The following ZFR variants were observed in gnomAD, a reference collection of about 807,000 sequenced individuals.
ZFR encodes zinc finger RNA-binding protein.
A neutral mutation model predicts 130.7 loss-of-function variants in ZFR; 19 were observed. That is an observed-to-expected ratio of 0.15 (90% CI 0.10 to 0.21). The LOEUF is 0.21. Ranked by LOEUF, ZFR falls within the 10% of genes least tolerant of loss-of-function variation. ZFR has a pLI of 1.00. For synonymous variants in ZFR, 466 were observed against 456.9 expected (o/e 1.02, Z -0.25); for missense variants, 872 against 1,321.5 (o/e 0.66, Z 5.27).
chr5:32,444,589 G>A (rs991652476), intron 1 of ZFR, 33 bp downstream of exon 1: 14 of 1,473,096 alleles, frequency 9.5e-6, no homozygotes, highest in Non-Finnish European at 1.2e-5. Context: ...GGAGGGGGCC[G>A]GGCAGAGGCC....
intron 18 of ZFR, 32 bp downstream of exon 18, chr5:32,364,131 AT>A: frequency 6.3e-7 from 1 of 1,598,600 alleles, no homozygotes; most frequent in Non-Finnish European, 8.6e-7. Flanking sequence ...AGTAAACTTC[AT>A]TTTACTTCAT....
At chr5:32,424,532 C>CAAA (rs575935210) in intron 2 of ZFR, among the ~76,000 whole-genome samples, 1 of 62,628 alleles carries the variant, frequency 1.6e-5, no homozygotes, top group African/African-American at 5.3e-5. Flanking sequence ...GACTCCGTCT[C>CAAA]AAAAAAAAAA....
intron 4 of ZFR, among the ~76,000 whole-genome samples, chr5:32,417,119 TC>T (rs200476262): frequency 4.5e-4 from 49 of 108,536 alleles, no homozygotes; most frequent in East Asian, 1.4e-3. Flanking sequence ...CAAGTCTCTC[TC>T]TAAAAAAAAA....
intron 2 of ZFR, among the ~76,000 whole-genome samples, chr5:32,422,972 TCAA>T (rs1187180640): frequency 1.3e-5 from 2 of 151,816 alleles, no homozygotes; most frequent in Non-Finnish European, 2.9e-5. Flanking sequence ...TACCTACTTA[TCAA>T]CAACAACAAA....
At chr5:32,414,463 T>C (rs932728471) in intron 5 of ZFR, among the ~76,000 whole-genome samples, 6 of 152,160 alleles carry the variant, frequency 3.9e-5, no homozygotes, top group African/African-American at 1.4e-4. Context: ...TTAAGGAAAA[T>C]AAAGGTACTC....
intron 15 of ZFR, among the ~76,000 whole-genome samples, chr5:32,381,669 T>TA (rs1196876113): frequency 6.6e-6 from 1 of 152,252 alleles, no homozygotes; most frequent in African/African-American, 2.4e-5. Context: ...AGATGACATA[T>TA]AAAAAACATA....
chr5:32,422,631 T>C (rs1164835292), intron 2 of ZFR, among the ~76,000 whole-genome samples: 6 of 151,702 alleles, frequency 4.0e-5, no homozygotes, highest in South Asian at 2.1e-4. Flanking sequence ...ACCACATCTC[T>C]ACAGAAAATT....
At chr5:32,442,038 T>A (rs921297065) in intron 2 of ZFR, among the ~76,000 whole-genome samples, 1 of 152,178 alleles carries the variant, frequency 6.6e-6, no homozygotes, top group Admixed American at 6.5e-5. Context: ...TATCAAAAAA[T>A]TATTAATTAT....
intron 10 of ZFR, 36 bp downstream of exon 10, chr5:32,397,183 T>G: frequency 6.4e-7 from 1 of 1,562,154 alleles, no homozygotes; most frequent in Non-Finnish European, 8.6e-7. Context: ...TTTTGTTTTT[T>G]GTTTTAAAGA....
chr5:32,405,934 G>A (rs1753571305), intron 6 of ZFR, among the ~76,000 whole-genome samples: 1 of 152,148 alleles, frequency 6.6e-6, no homozygotes, highest in African/African-American at 2.4e-5. Context: ...AACTAATCCA[G>A]TAAAGTAAAC....
At chr5:32,418,697 T>C (rs1753887537) in intron 3 of ZFR, among the ~76,000 whole-genome samples, 1 of 152,228 alleles carries the variant, frequency 6.6e-6, no homozygotes, top group Non-Finnish European at 1.5e-5. Flanking sequence ...CTGCCTAAAA[T>C]TAATAGCAAA....
At chr5:32,438,303 G>A (rs373087907) in intron 2 of ZFR, among the ~76,000 whole-genome samples, 6 of 119,218 alleles carry the variant, frequency 5.0e-5, no homozygotes, top group African/African-American at 1.7e-4. Flanking sequence ...CACTCTTGTC[G>A]CCCAGGCTGG....
chr5:32,380,527 T>C lies in ZFR; in HGVS notation c.2642-355A>G, dbSNP rs532025382. On this transcript the variant is annotated intron_variant, in intron 15 of 19. Transcript: ENST00000265069. ...ATGTACAATAAACTACTGAGTTTGT[T>C]CAGTACTCTAAATGGTCGTAAGTTA... The C allele has an allele frequency of 9.3e-5, 16 of 171,558 alleles. No individual in the cohort carries two copies. The East Asian group carries it at 2.4e-3, about 25-fold the overall frequency. 10.6% of individuals were successfully genotyped at this position (171,558 alleles called of 1,614,324 possible). A position where few individuals can be genotyped will look rare whatever the true frequency, so the allele number is the denominator to read the frequency against.
Position 32,415,159 on chromosome 5 carries a change from T to G in ZFR, c.594A>C (p.Ala198=). Residue 198 remains alanine, a synonymous_variant, in exon 5 of 20, where the codon GCA becomes GCC. Transcript: ENST00000265069. The part of the protein sequence containing the change: ...TAPKAGYSQG[A]TQYTQAQQTR... Reference sequence around the variant, plus strand: ...TTTGCTGGGCTTGAGTATACTGAGTTGCACCTTGGCTGTAACCTGCTTTGG... The same window carrying G: ...TTTGCTGGGCTTGAGTATACTGAGTGGCACCTTGGCTGTAACCTGCTTTGG... The G allele has an allele frequency of 6.2e-7, 1 of 1,614,050 alleles. No homozygotes were observed. Among genetic ancestry groups the G allele is most frequent in the Non-Finnish European group, 8.5e-7 (1 of 1,179,994 alleles).
At position 32,385,612 on chromosome 5, in the gene ZFR, A is replaced by G; in HGVS notation, c.2537T>C (p.Val846Ala). ...ATTCAAAATTATTGCCGCTTCAGAT[A>G]CAGCACATTTTATGTCATACTTCTC... ...SPEKYDIKCAVSEAAIILNSC... is the reference protein window; with the variant it reads ...SPEKYDIKCAASEAAIILNSC... The change falls in exon 15 of 20, where the codon GTA becomes GCA. Residue 846 changes from valine to alanine, a missense_variant. This residue lies in a region of ZFR where 225 missense variants were observed against 282.4 expected (regional missense o/e 0.80). Coordinates refer to ENST00000265069, the MANE Select transcript of ZFR (RefSeq NM_016107.5). The G allele has an allele frequency of 2.5e-6, 4 of 1,613,474 alleles. No homozygotes were observed. The highest frequency in any genetic ancestry group is 3.4e-6 in the Non-Finnish European group (4 of 1,179,548).
At chr5:32,360,165 CTT>C (rs1474477603) in intron 19 of ZFR, among the ~76,000 whole-genome samples, 4 of 152,162 alleles carry the variant, frequency 2.6e-5, no homozygotes, top group African/African-American at 9.7e-5. Context: ...TTTACAGTCA[CTT>C]GATTAAACAG....
rs1474255369 is a variant in ZFR at position 32,401,649 on chromosome 5, C to T, written c.1517-1446G>A. On this transcript the variant is annotated intron_variant, in intron 8 of 19. Transcript: ENST00000265069. ...TAGGCATGGGTCAGGTAATGATGGG[C>T]CTTATATGACAAATGAGGACTACAG... 5.9e-5 allele frequency among the ~76,000 whole-genome samples: 9 copies of T among 152,124 alleles called. No homozygotes were observed. The East Asian group carries it at 1.4e-3, about 23-fold the overall frequency.
At chr5:32,393,820 C>T (rs1753235148) in intron 11 of ZFR, among the ~76,000 whole-genome samples, 1 of 152,128 alleles carries the variant, frequency 6.6e-6, no homozygotes. Context: ...TTCCCATATT[C>T]TATTATTAGC....
At chr5:32,399,868 A>G in intron 9 of ZFR, 139 bp downstream of exon 9, 1 of 804,178 alleles carries the variant, frequency 1.2e-6, no homozygotes, top group Middle Eastern at 3.3e-4. Flanking sequence ...TTCTTATAAC[A>G]AAGATTCCTT....
Sources: allele counts gnomAD v4.1 joint callset (sites outside exome capture counted in the v4.1 genomes callset), GRCh38; gene constraint gnomAD v4.1.1; regional missense constraint gnomAD v4.1.1; transcripts MANE v1.5; gene names NCBI Gene and HGNC (gene_info 2026-07-23, HGNC 2026-07-21).